The following BAZ2B variants were observed in gnomAD, a reference collection of about 807,000 sequenced individuals.
BAZ2B encodes bromodomain adjacent to zinc finger domain 2B, also known as bromodomain adjacent to zinc finger domain protein 2B.
Under a neutral mutation model 246.0 loss-of-function variants are expected in BAZ2B, and 91 were observed. The ratio of observed to expected loss-of-function variants is 0.37; its 90% CI spans 0.31 to 0.44. BAZ2B has a LOEUF of 0.44. BAZ2B is among the 20% of genes least tolerant of loss of function. BAZ2B has a pLI of 1.00. For missense variants in BAZ2B, 2,332 were observed against 2,533.7 expected, an observed-to-expected ratio of 0.92 and a Z score of 1.71; for synonymous variants, 855 against 860.0, an observed-to-expected ratio of 0.99 and a Z score of 0.10.
chr2:159,369,981 T>C (rs2060642817), intron 27 of BAZ2B, among the ~76,000 whole-genome samples: 1 of 152,174 alleles, frequency 6.6e-6, no homozygotes, highest in Admixed American at 6.5e-5. Context: ...CATGGAATAC[T>C]ATGCAGCCAT....
At chr2:159,453,890 T>C (rs2075396779) in intron 3 of BAZ2B, 89 bp from the exon 4 acceptor site, 1 of 1,114,400 alleles carries the variant, frequency 9.0e-7, no homozygotes, top group Non-Finnish European at 1.2e-6. Context: ...AAATTTATAA[T>C]AATTTACCTA....
chr2:159,368,805 G>C (rs2060497701), intron 27 of BAZ2B, among the ~76,000 whole-genome samples: 1 of 144,578 alleles, frequency 6.9e-6, no homozygotes. Flanking sequence ...GAAGAGCCTG[G>C]ATGGAAATGG....
At chr2:159,461,515 T>A (rs1323059215) in intron 3 of BAZ2B, 3 of 152,578 alleles carry the variant, frequency 2.0e-5, no homozygotes, top group Non-Finnish European at 2.9e-5. Context: ...GTTTATGATT[T>A]ACATAGCTGT....
chr2:159,525,247 G>C (rs911283741), intron 2 of BAZ2B, among the ~76,000 whole-genome samples: 1 of 152,134 alleles, frequency 6.6e-6, no homozygotes, highest in Non-Finnish European at 1.5e-5. Context: ...CATAAGCTAA[G>C]GATCAAAAGC....
At chr2:159,562,536 T>G (rs1307723017) in intron 1 of BAZ2B, among the ~76,000 whole-genome samples, 1 of 152,224 alleles carries the variant, frequency 6.6e-6, no homozygotes, top group Non-Finnish European at 1.5e-5. Flanking sequence ...GTAGTAGCAC[T>G]GCCAACTGCT....
chr2:159,677,396 T>C, the BAZ2B span, among the ~76,000 whole-genome samples: 2 of 152,168 alleles, frequency 1.3e-5, no homozygotes, highest in Non-Finnish European at 2.9e-5. Context: ...ATGCTTTTTC[T>C]AATTATATGT....
At chr2:159,656,974 A>C in the BAZ2B span, among the ~76,000 whole-genome samples, 2 of 152,064 alleles carry the variant, frequency 1.3e-5, no homozygotes, top group African/African-American at 4.8e-5. Context: ...TTTGCAGAGA[A>C]GTTTTAAATT....
At position 159,320,105 on chromosome 2, in the gene BAZ2B, C is replaced by A; in HGVS notation, c.*160G>T. 1 of 624,262 alleles carries A rather than the reference C, an allele frequency of 1.6e-6. No individual in the cohort carries two copies. The highest frequency in any genetic ancestry group is 2.4e-6 in the Non-Finnish European group (1 of 414,372). 38.7% of individuals were successfully genotyped at this position (624,262 alleles called of 1,614,324 possible). ...GGCCTTGGTTGTTGTAGGAATGAAG[C>A]CTTTAAAAATGGTATCATTCTTCTG... On this transcript the variant is annotated 3_prime_UTR_variant, in exon 37 of 37. Transcript: ENST00000392783.
intron 4 of BAZ2B, among the ~76,000 whole-genome samples, chr2:159,452,993 G>A (rs533721857): frequency 2.0e-5 from 3 of 152,270 alleles, no homozygotes; most frequent in South Asian, 2.1e-4. Flanking sequence ...CCAGCTACTC[G>A]GGAGGCTGAG....
chr2:159,488,904 A>G (rs16844055), intron 2 of BAZ2B, among the ~76,000 whole-genome samples: 2,467 of 152,300 alleles, frequency 0.016, 73 homozygotes, highest in African/African-American at 0.056. Context: ...CTTCATTTCC[A>G]GGTACCATTA....
At chr2:159,672,306 T>C in the BAZ2B span, among the ~76,000 whole-genome samples, 1 of 152,232 alleles carries the variant, frequency 6.6e-6, no homozygotes, top group East Asian at 1.9e-4. Context: ...TTATTTTAGC[T>C]GATTTATACC....
intron 10 of BAZ2B, among the ~76,000 whole-genome samples, chr2:159,429,644 A>T (rs1017691812): frequency 1.3e-5 from 2 of 152,174 alleles, no homozygotes; most frequent in Non-Finnish European, 2.9e-5. Flanking sequence ...AAATTTCAAC[A>T]GCTGGCTCAT....
Position 159,469,116 on chromosome 2 carries a change from TTAA to T in BAZ2B, c.145+9456_145+9458del, listed in dbSNP as rs1292860782. The stretch of plus-strand genomic sequence containing the variant: ...CCCATAGAAAAACAGAAGGAAATAA[TTAA>T]TGAGAGAAAAAAAACAGAAAATTGA... On this transcript the variant is annotated intron_variant, in intron 3 of 36. Coordinates refer to ENST00000392783, the MANE Select transcript of BAZ2B (RefSeq NM_013450.4). 2.2e-5 allele frequency among the ~76,000 whole-genome samples: 3 copies of T among 135,328 alleles called. No homozygotes were observed. In the South Asian group the frequency reaches 7.0e-4, roughly 32 times the overall value. 88.8% of individuals were successfully genotyped at this position (135,328 alleles called of 152,430 possible).
At position 159,433,109 on chromosome 2, in the gene BAZ2B, C is replaced by G. The variant is rs764491958; in HGVS notation, c.1548G>C (p.Gln516His). 6.2e-7 allele frequency: 1 copy of G among 1,614,182 alleles called. No homozygotes were observed. The change falls in exon 9 of 37, where the codon CAG becomes CAC. Residue 516 changes from glutamine to histidine, a missense_variant. Gln to His is a conservative substitution (Grantham distance 24, BLOSUM62 0). This residue lies in a region of BAZ2B where 651 missense variants were observed against 650.9 expected (regional missense o/e 1.00). Transcript: ENST00000392783. ...PLALTTKTKM[Q>H]SKINENIAAA... ...CAGCAATGTTTTCATTAATCTTGCT[C>G]TGCATTTTAGTTTTGGTAGTAAGTG...
At chr2:159,466,528 A>C (rs1295596120) in intron 3 of BAZ2B, among the ~76,000 whole-genome samples, 1 of 152,238 alleles carries the variant, frequency 6.6e-6, no homozygotes. Flanking sequence ...CTAAATTGTG[A>C]ATAGTGCTAT....
intron 31 of BAZ2B, among the ~76,000 whole-genome samples, chr2:159,340,116 A>C (rs1233138475): frequency 6.6e-6 from 1 of 152,176 alleles, no homozygotes. Flanking sequence ...TTCAATGAAT[A>C]AAGTAAAAAA....
intron 1 of BAZ2B, among the ~76,000 whole-genome samples, chr2:159,610,288 T>C (rs1694430695): frequency 1.3e-5 from 2 of 152,126 alleles, no homozygotes; most frequent in Non-Finnish European, 2.9e-5. Flanking sequence ...ACATCAATCA[T>C]AAAAACAAAG....
At chr2:159,589,650 T>C (rs918250439) in intron 1 of BAZ2B, among the ~76,000 whole-genome samples, 1 of 152,208 alleles carries the variant, frequency 6.6e-6, no homozygotes, top group Admixed American at 6.5e-5. Context: ...ACTGTTTATA[T>C]AATCTTTATC....
chr2:159,546,868 T>C (rs940320065), intron 2 of BAZ2B, among the ~76,000 whole-genome samples: 5 of 152,004 alleles, frequency 3.3e-5, no homozygotes, highest in African/African-American at 9.7e-5. Context: ...AAGGCAGAAA[T>C]GATAGGGAGA....
Sources: gnomAD v4.1 joint callset for allele counts (sites outside exome capture counted in the v4.1 genomes callset) on GRCh38, gnomAD v4.1.1 for gene constraint, gnomAD v4.1.1 regional missense constraint, MANE v1.5 for transcripts, NCBI Gene and HGNC (gene_info 2026-07-23, HGNC 2026-07-21) for gene names.